The following VEPH1 variants were observed in gnomAD, a reference collection of about 807,000 sequenced individuals.
VEPH1 encodes the protein ventricular zone expressed PH domain containing 1.
Under a neutral mutation model 85.2 loss-of-function variants are expected in VEPH1, and 80 were observed. That is an observed-to-expected ratio of 0.94 (90% confidence interval 0.78 to 1.13). The LOEUF is 1.13. Ranked by LOEUF, VEPH1 falls within the 50% of genes most tolerant of loss-of-function variation. VEPH1 has a pLI of 0.00. For synonymous variants in VEPH1, 297 were observed against 348.0 expected, an observed-to-expected ratio of 0.85 and a Z score of 1.63; for missense variants, 955 against 980.5, an observed-to-expected ratio of 0.97 and a Z score of 0.35.
At chr3:157,448,087 TATATTATAACTGTC>T (rs1734684751) in intron 4 of VEPH1, among the ~76,000 whole-genome samples, 1 of 151,638 alleles carries the variant, frequency 6.6e-6, no homozygotes, top group Admixed American at 6.6e-5. Context: ...CTATATCACA[TATATTATAACTGTC>T]ATATTAAATG....
intron 4 of VEPH1, among the ~76,000 whole-genome samples, chr3:157,458,413 T>C (rs1310847288): frequency 6.6e-6 from 1 of 152,170 alleles, no homozygotes; most frequent in Non-Finnish European, 1.5e-5. Context: ...AGTTATGCTG[T>C]TAGGTTGTTA....
chr3:157,474,928 T>C (rs545804810), intron 2 of VEPH1, among the ~76,000 whole-genome samples: 2 of 152,134 alleles, frequency 1.3e-5, no homozygotes, highest in Non-Finnish European at 1.5e-5. Context: ...ATGTGTTTTA[T>C]AGTCAAGTAA....
intron 9 of VEPH1, among the ~76,000 whole-genome samples, chr3:157,326,349 GGA>G: frequency 6.6e-6 from 1 of 152,148 alleles, no homozygotes; most frequent in Non-Finnish European, 1.5e-5. Context: ...AGTGATGGTG[GGA>G]ATGGTGATAG....
At chr3:157,299,280 C>G (rs138048229) in intron 11 of VEPH1, among the ~76,000 whole-genome samples, 61 of 152,006 alleles carry the variant, frequency 4.0e-4, no homozygotes, top group African/African-American at 1.5e-3. Flanking sequence ...GAAACATGGC[C>G]AAACGCAGTG....
At position 157,493,339 on chromosome 3, in the gene VEPH1, C is replaced by T. The variant is rs907492047; in HGVS notation, c.138+1873G>A. On this transcript the variant is annotated intron_variant, in intron 2 of 13. Coordinates refer to ENST00000362010, the MANE Select transcript of VEPH1 (RefSeq NM_001167912.2). ...GGAATTGATTACTGAGATCCAAGGTCATTAGGAGAGGCCTAGAGAGGAATA... is the reference window on the plus strand; with the variant it reads ...GGAATTGATTACTGAGATCCAAGGTTATTAGGAGAGGCCTAGAGAGGAATA... 1.3e-5 allele frequency: 6 copies of T among 454,154 alleles called. No individual in the cohort carries two copies. In the Admixed American group the frequency reaches 1.4e-4, roughly 11 times the overall value. The allele number at this position is 454,154 out of a possible 1,614,324, so 28.1% of individuals were successfully genotyped here.
chr3:157,490,297 G>C (rs540796927), intron 2 of VEPH1, among the ~76,000 whole-genome samples: 76 of 151,996 alleles, frequency 5.0e-4, no homozygotes, highest in African/African-American at 1.7e-3. Context: ...CTTATTACAA[G>C]GTAAGAGATA....
intron 12 of VEPH1, among the ~76,000 whole-genome samples, chr3:157,277,412 C>T (rs1438156773): frequency 6.6e-6 from 1 of 152,140 alleles, no homozygotes; most frequent in Non-Finnish European, 1.5e-5. Flanking sequence ...AGCTTGTGCC[C>T]CGTCTGTGAT....
intron 4 of VEPH1, among the ~76,000 whole-genome samples, chr3:157,439,162 T>C (rs1420040390): frequency 6.6e-6 from 1 of 152,212 alleles, no homozygotes; most frequent in Admixed American, 6.5e-5. Flanking sequence ...ATTAGAATTC[T>C]GCAGCCATTT....
intron 9 of VEPH1, among the ~76,000 whole-genome samples, chr3:157,351,478 G>A (rs1724865821): frequency 6.8e-6 from 1 of 147,282 alleles, no homozygotes; most frequent in South Asian, 2.5e-4. Context: ...ACAGGCGTGA[G>A]CCACCGCACT....
At chr3:157,386,427 T>C (rs57459645) in intron 6 of VEPH1, among the ~76,000 whole-genome samples, 3,939 of 152,130 alleles carry the variant, frequency 0.026, 191 homozygotes, top group African/African-American at 0.091. Context: ...GTACTCAGGA[T>C]TGAGATTTAA....
chr3:157,324,667 G>GTT (rs869154248), intron 9 of VEPH1, among the ~76,000 whole-genome samples: 4 of 140,392 alleles, frequency 2.8e-5, no homozygotes, highest in African/African-American at 2.6e-5. Context: ...ACATGATCTT[G>GTT]TTTTTTTTTT....
intron 13 of VEPH1, among the ~76,000 whole-genome samples, chr3:157,264,333 G>A (rs569287371): frequency 2.4e-4 from 36 of 152,176 alleles, no homozygotes; most frequent in African/African-American, 8.4e-4. Flanking sequence ...CTGGCCTTAG[G>A]ACACAGACTG....
chr3:157,369,375 A>G (rs1727227188), intron 7 of VEPH1, among the ~76,000 whole-genome samples: 1 of 152,160 alleles, frequency 6.6e-6, no homozygotes, highest in South Asian at 2.1e-4. Context: ...AGAATGAAGA[A>G]GCAACAATAA....
intron 7 of VEPH1, among the ~76,000 whole-genome samples, chr3:157,369,475 T>C (rs1016546038): frequency 1.3e-5 from 2 of 152,156 alleles, no homozygotes; most frequent in African/African-American, 2.4e-5. Context: ...TCTCCCTTGG[T>C]TTTATGATTT....
At chr3:157,402,769 C>A (rs980974081) in intron 6 of VEPH1, among the ~76,000 whole-genome samples, 1 of 152,078 alleles carries the variant, frequency 6.6e-6, no homozygotes, top group Non-Finnish European at 1.5e-5. Flanking sequence ...TACTTTATTA[C>A]TTAGCAAGAA....
intron 2 of VEPH1, among the ~76,000 whole-genome samples, chr3:157,482,029 T>A (rs573694048): frequency 2.1e-4 from 32 of 152,310 alleles, no homozygotes; most frequent in African/African-American, 7.5e-4. Flanking sequence ...CATTGGTCTA[T>A]GTGTCTGTTT....
chr3:157,480,342 G>A (rs932125058), intron 2 of VEPH1, among the ~76,000 whole-genome samples: 8 of 151,968 alleles, frequency 5.3e-5, no homozygotes, highest in African/African-American at 1.7e-4. Context: ...ACATCAGCAG[G>A]TTTGTTACAA....
intron 11 of VEPH1, among the ~76,000 whole-genome samples, chr3:157,302,655 C>T (rs56143236): frequency 0.22 from 33,106 of 152,168 alleles, 4,544 homozygotes; most frequent in Admixed American, 0.41. Flanking sequence ...TTTATAAGCA[C>T]CCAGTTAATA....
At position 157,286,628 on chromosome 3, in the gene VEPH1, T is replaced by C. The variant is rs982297975; in HGVS notation, c.2057A>G (p.Asp686Gly). The change falls in exon 12 of 14, where the codon GAC becomes GGC. Residue 686 changes from aspartate (D) to glycine (G), a missense_variant. Transcript: ENST00000362010. Reference sequence around the variant, plus strand: ...TGCTGTTTCACTGAAGCCAAACACGTCAAAGAACCTCACTTCTTCCAGATG... The same window carrying C: ...TGCTGTTTCACTGAAGCCAAACACGCCAAAGAACCTCACTTCTTCCAGATG... ...QLHLEEVRFF[D>G]VFGFSETAGA... 4 of 1,614,058 alleles carry C rather than the reference T, an allele frequency of 2.5e-6. No individual in the cohort carries two copies. The East Asian group carries it at 8.9e-5, about 36-fold the overall frequency.
Sources: gnomAD v4.1 joint callset for allele counts (sites outside exome capture counted in the v4.1 genomes callset) on GRCh38, gnomAD v4.1.1 for gene constraint, MANE v1.5 for transcripts, NCBI Gene and HGNC (gene_info 2026-07-23, HGNC 2026-07-21) for gene names.